Variants in CDH9 observed in about 807,000 individuals in gnomAD.
The protein encoded by CDH9 is cadherin-9.
In CDH9, 28 loss-of-function variants were observed where a neutral mutation model predicts 70.9. The observed-to-expected ratio is 0.40, with a 90% CI of 0.29 to 0.54. The LOEUF (loss-of-function observed/expected upper bound fraction) is 0.54, where lower values mean the gene tolerates loss of function less well. CDH9 is among the 20% of genes least tolerant of loss of function. The probability of loss-of-function intolerance (pLI) is 0.59; values close to 1 mark genes in which losing one functional copy is unlikely to be tolerated. For missense variants in CDH9, 874 were observed against 984.4 expected, an observed-to-expected ratio of 0.89 and a Z score of 1.50; for synonymous variants, 409 against 343.1, an observed-to-expected ratio of 1.19 and a Z score of -2.12.
chr5:26,994,535 TTTTGTTTG>T lies in CDH9; in HGVS notation c.-49-6161_-49-6154del, dbSNP rs146801465. On this transcript the variant is annotated intron_variant, in intron 1 of 11. Transcript: ENST00000231021. Reference sequence around the variant, plus strand: ...CCTGTTTTTTTTGTTTCGTTTTGTTTTTTGTTTGTTTGTTTGTTTGTTTGTTTGTTTTG... The same window carrying T: ...CCTGTTTTTTTTGTTTCGTTTTGTTTTTTGTTTGTTTGTTTGTTTGTTTTG... 3.9e-3 allele frequency among the ~76,000 whole-genome samples: 598 copies of T among 151,770 alleles called. 4 individuals are homozygous for T. Among genetic ancestry groups the T allele is most frequent in the African/African-American group, 0.013 (520 of 41,286 alleles).
chr5:26,990,633 C>A (rs923803125), intron 1 of CDH9, among the ~76,000 whole-genome samples: 2 of 152,126 alleles, frequency 1.3e-5, no homozygotes, highest in African/African-American at 4.8e-5. Flanking sequence ...AAGAGTAACA[C>A]TTAGTGGTCA....
intron 1 of CDH9, among the ~76,000 whole-genome samples, chr5:27,030,523 G>A (rs1403349402): frequency 6.1e-5 from 9 of 147,080 alleles, no homozygotes; most frequent in East Asian, 2.0e-4. Context: ...GAGAAGCAGG[G>A]ATTAAAAAAA....
intron 2 of CDH9, among the ~76,000 whole-genome samples, chr5:26,951,465 A>G (rs1741845191): frequency 6.6e-6 from 1 of 152,088 alleles, no homozygotes; most frequent in Non-Finnish European, 1.5e-5. Flanking sequence ...TGATAATTAA[A>G]TCAAGAATCT....
Position 26,890,442 on chromosome 5 carries a change from G to T in CDH9, c.1376C>A (p.Thr459Lys). The T allele has an allele frequency of 6.2e-7, 1 of 1,613,570 alleles. No individual in the cohort carries two copies. Among genetic ancestry groups the T allele is most frequent in the Non-Finnish European group, 8.5e-7 (1 of 1,179,526 alleles). ...CTCCAACTTACTTATTTCTGTGGCTGTAACAGTGATGTTATGCCAAGGAGA... is the reference window on the plus strand; with the variant it reads ...CTCCAACTTACTTATTTCTGTGGCTTTAACAGTGATGTTATGCCAAGGAGA... The part of the protein sequence containing the change: ...ESSPWHNITV[T>K]ATEINNPKQS... Residue 459 changes from threonine (T) to lysine (K), a missense_variant, in exon 8 of 12, where the codon ACA (threonine) becomes AAA (lysine). By Grantham distance (78) the Thr-to-Lys change is moderately conservative. Coordinates refer to ENST00000231021, the MANE Select transcript of CDH9 (RefSeq NM_016279.4).
At chr5:26,916,613 GTCTC>G (rs1741154034) in intron 2 of CDH9, among the ~76,000 whole-genome samples, 1 of 151,856 alleles carries the variant, frequency 6.6e-6, no homozygotes, top group Non-Finnish European at 1.5e-5. Context: ...TATTTGAATG[GTCTC>G]TCTTTCTCTC....
At chr5:26,891,679 A>AAAAC (rs58025140) in intron 7 of CDH9, among the ~76,000 whole-genome samples, 94,746 of 150,332 alleles carry the variant, frequency 0.63, 30,674 homozygotes, top group East Asian at 0.97. Context: ...CTCCATCTCA[A>AAAAC]AAACAAACAA....
chr5:26,939,541 G>T (rs1034332398), intron 2 of CDH9, among the ~76,000 whole-genome samples: 3 of 151,630 alleles, frequency 2.0e-5, no homozygotes, highest in East Asian at 3.9e-4. Context: ...AATGATTATA[G>T]ATGATGTTGG....
chr5:26,985,972 A>C (rs551107282), intron 2 of CDH9, among the ~76,000 whole-genome samples: 1 of 152,222 alleles, frequency 6.6e-6, no homozygotes, highest in East Asian at 1.9e-4. Context: ...TGCCCTTAAT[A>C]AGTTAGTAAA....
rs1742525841 is a variant in CDH9 at position 26,988,472 on chromosome 5, T to C, written c.-49-90A>G. ...ACTGAAATACTTATTCCAGACATTA[T>C]TTAAATTTTATTATGTACTATATAT... On this transcript the variant is annotated intron_variant, in intron 1 of 11. Transcript: ENST00000231021. The C allele has an allele frequency of 9.3e-6, 11 of 1,182,378 alleles. No homozygotes were observed. The South Asian group carries it at 1.2e-4, about 13-fold the overall frequency. The allele number at this position is 1,182,378 out of a possible 1,614,324, so 73.2% of individuals were successfully genotyped here. A position where few individuals can be genotyped will look rare whatever the true frequency, so the allele number is the denominator to read the frequency against.
chr5:26,945,831 A>C (rs769779642), intron 2 of CDH9, among the ~76,000 whole-genome samples: 1 of 152,208 alleles, frequency 6.6e-6, no homozygotes, highest in Non-Finnish European at 1.5e-5. Flanking sequence ...TTTATGCCTT[A>C]TGGTAATGAG....
rs1741138870 is a variant in CDH9 at position 26,915,850 on chromosome 5, A to G, written c.303T>C (p.Phe101=). Residue 101 remains phenylalanine, a synonymous_variant, in exon 3 of 12, where the codon TTT becomes TTC. Transcript: ENST00000231021. The stretch of plus-strand genomic sequence containing the variant: ...TGTCTCCTGTATTTTCATCTATAAC[A>G]AATAGACTGCCAGCCCCATCTCCTG... ...ILTGDGAGSL[F]VIDENTGDIH... 2 of 1,612,180 alleles carry G rather than the reference A, an allele frequency of 1.2e-6. No individual in the cohort carries two copies. Among genetic ancestry groups the G allele is most frequent in the East Asian group, 2.2e-5 (1 of 44,858 alleles).
In CDH9 at chr5:26,999,203, C is replaced by T. The variant is rs13189606; in HGVS notation, c.-49-10821G>A. Reference sequence around the variant, plus strand: ...GAGGTTGCAGTGAGCCGAGATCATGCCCTCCAGCCTGGTGACGGAGCGAGA... The same window carrying T: ...GAGGTTGCAGTGAGCCGAGATCATGTCCTCCAGCCTGGTGACGGAGCGAGA... On this transcript the variant is annotated intron_variant, in intron 1 of 11. Transcript: ENST00000231021. Among the ~76,000 whole-genome samples the T allele has an allele frequency of 3.3e-3, 501 of 152,074 alleles. 2 individuals are homozygous for T. Among genetic ancestry groups the T allele is most frequent in the Non-Finnish European group, 4.3e-3 (290 of 67,988 alleles).
At chr5:26,884,950 C>A (rs1464083912) in intron 11 of CDH9, among the ~76,000 whole-genome samples, 1 of 152,070 alleles carries the variant, frequency 6.6e-6, no homozygotes, top group Non-Finnish European at 1.5e-5. Flanking sequence ...AGGACCACAG[C>A]GACATAGTGA....
At chr5:26,979,011 C>T (rs1322547497) in intron 2 of CDH9, among the ~76,000 whole-genome samples, 1 of 151,600 alleles carries the variant, frequency 6.6e-6, no homozygotes, top group African/African-American at 2.4e-5. Context: ...AAGAATCCTT[C>T]AAGTTGAAGG....
intron 2 of CDH9, among the ~76,000 whole-genome samples, chr5:26,985,298 C>G (rs1489013469): frequency 6.6e-6 from 1 of 151,928 alleles, no homozygotes; most frequent in African/African-American, 2.4e-5. Flanking sequence ...TTTCCAAAAT[C>G]TTAGAAAAGA....
chr5:26,898,050 T>A (rs1013367491), intron 7 of CDH9, among the ~76,000 whole-genome samples: 9 of 152,018 alleles, frequency 5.9e-5, no homozygotes, highest in African/African-American at 1.9e-4. Flanking sequence ...GAGAGCCAAA[T>A]CATGAGTGAA....
intron 4 of CDH9, 26 bp downstream of exon 4, chr5:26,906,693 A>T (rs1218217735): frequency 6.2e-7 from 1 of 1,610,964 alleles, no homozygotes; most frequent in African/African-American, 1.3e-5. Flanking sequence ...ATACAATAAG[A>T]AGTCAGCCAA....
At chr5:26,954,384 C>CTTTTTTTTTTTTTTTTTTTTTTT (rs141394776) in intron 2 of CDH9, among the ~76,000 whole-genome samples, 3 of 18,370 alleles carry the variant, frequency 1.6e-4, no homozygotes, top group African/African-American at 3.9e-4. Context: ...ATTATACAGC[C>CTTTTTTTTTTTTTTTTTTTTTTT]TTTCTTTTTT....
chr5:26,919,110 T>G (rs1741198068), intron 2 of CDH9, among the ~76,000 whole-genome samples: 1 of 151,956 alleles, frequency 6.6e-6, no homozygotes, highest in Non-Finnish European at 1.5e-5. Context: ...GAATGAAAAA[T>G]CAGGTGAGTG....
Sources: gnomAD v4.1 joint callset for allele counts (sites outside exome capture counted in the v4.1 genomes callset) on GRCh38, gnomAD v4.1.1 for gene constraint, MANE v1.5 for transcripts, NCBI Gene and HGNC (gene_info 2026-07-23, HGNC 2026-07-21) for gene names.